RYR2: variants seen among roughly 807,000 people sequenced by gnomAD.
The protein encoded by RYR2 is ryanodine receptor 2.
In RYR2, 227 loss-of-function variants were observed where a neutral mutation model predicts 601.1. The observed-to-expected ratio is 0.38, with a 90% confidence interval of 0.34 to 0.42. RYR2 has a LOEUF of 0.42. RYR2 is among the 10% of genes least tolerant of loss of function. The pLI, the probability that RYR2 is intolerant of heterozygous loss-of-function variation, is 1.00. For synonymous variants in RYR2, 2,223 were observed against 2,175.1 expected (o/e 1.02, Z -0.61); for missense variants, 4,646 against 6,156.5 (o/e 0.75, Z 8.21).
intron 12 of RYR2, among the ~76,000 whole-genome samples, chr1:237,432,097 G>GCC (rs765226578): frequency 1.4e-5 from 2 of 142,872 alleles, no homozygotes; most frequent in African/African-American, 5.8e-5. Context: ...TTAGCAAATG[G>GCC]TCTTTTTTTT....
At chr1:237,282,785 G>C (rs1441543523) in intron 2 of RYR2, among the ~76,000 whole-genome samples, 2 of 152,208 alleles carry the variant, frequency 1.3e-5, no homozygotes, top group African/African-American at 4.8e-5. Flanking sequence ...TAGCTCAATA[G>C]AGTGTGATAT....
At chr1:237,237,171 C>G (rs1685632588) in intron 1 of RYR2, among the ~76,000 whole-genome samples, 1 of 152,126 alleles carries the variant, frequency 6.6e-6, no homozygotes, top group Non-Finnish European at 1.5e-5. Context: ...AACTGTGAGT[C>G]AATTAAACCT....
intron 3 of RYR2, among the ~76,000 whole-genome samples, chr1:237,353,274 C>T (rs149092419): frequency 1.7e-3 from 264 of 151,946 alleles, no homozygotes; most frequent in African/African-American, 6.1e-3. Flanking sequence ...TATGAATGCA[C>T]GAGATGGGTG....
chr1:237,563,500 A>T (rs942003418), intron 27 of RYR2, among the ~76,000 whole-genome samples: 5 of 151,012 alleles, frequency 3.3e-5, no homozygotes, highest in African/African-American at 7.3e-5. Flanking sequence ...AGTCCCTTGC[A>T]TGATAGTATC....
chr1:237,407,480 T>C (rs1322706320), intron 10 of RYR2, among the ~76,000 whole-genome samples: 2 of 152,192 alleles, frequency 1.3e-5, no homozygotes, highest in African/African-American at 4.8e-5. Flanking sequence ...CATTGTAACA[T>C]ATGAATAGTG....
intron 47 of RYR2, among the ~76,000 whole-genome samples, chr1:237,642,569 G>A (rs1264626584): frequency 1.3e-5 from 2 of 152,142 alleles, no homozygotes; most frequent in African/African-American, 2.4e-5. Flanking sequence ...TGAAGGAATA[G>A]GGGACCAACC....
chr1:237,660,910 T>G lies in RYR2; in HGVS notation c.8399T>G (p.Leu2800Arg), dbSNP rs1217695369. 1 of 1,505,288 alleles carries G rather than the reference T, an allele frequency of 6.6e-7. No homozygotes were observed. The highest frequency in any genetic ancestry group is 8.9e-7 in the Non-Finnish European group (1 of 1,123,074). 93.2% of individuals were successfully genotyped at this position (1,505,288 alleles called of 1,614,324 possible). A position where few individuals can be genotyped will look rare whatever the true frequency, so the allele number is the denominator to read the frequency against. ...ERTREGDSMA[L>R]YNRTRRISQT... is the part of the protein sequence containing the mutation. Reference sequence around the variant, plus strand: ...ACTCGGGAGGGAGACAGCATGGCCCTTTACAACCGGACTCGTCGTATTTCT... The same window carrying G: ...ACTCGGGAGGGAGACAGCATGGCCCGTTACAACCGGACTCGTCGTATTTCT... The change falls in exon 56 of 105, where the codon CTT becomes CGT. Residue 2800 changes from leucine to arginine, a missense_variant. This residue lies in a region of RYR2 where 1,497 missense variants were observed against 1,842.6 expected (regional missense o/e 0.81). Transcript: ENST00000366574.
chr1:237,149,513 A>C (rs906170620), intron 1 of RYR2, among the ~76,000 whole-genome samples: 2 of 152,192 alleles, frequency 1.3e-5, no homozygotes, highest in Non-Finnish European at 2.9e-5. Context: ...ATAATGGCTC[A>C]TTTAATAGGA....
intron 1 of RYR2, among the ~76,000 whole-genome samples, chr1:237,216,097 A>G (rs1003208532): frequency 6.6e-6 from 1 of 152,198 alleles, no homozygotes; most frequent in Non-Finnish European, 1.5e-5. Flanking sequence ...CATCCTCTAT[A>G]TAACTCCTGT....
rs1003934367 is a variant in RYR2 at position 237,567,699 on chromosome 1, C to CT, written c.3423+934dup. On this transcript the variant is annotated intron_variant, in intron 28 of 104. Transcript: ENST00000366574. ...AAATCATAGATTTTTTTAAAGTCTT[C>CT]TTTTTTTTTTATTTTTTAAGTGAAT... 2.2e-3 allele frequency among the ~76,000 whole-genome samples: 325 copies of CT among 147,896 alleles called. 3 individuals are homozygous for CT. The highest frequency in any genetic ancestry group is 6.9e-3 in the African/African-American group (278 of 40,432).
chr1:237,270,579 A>G lies in RYR2; in HGVS notation c.131A>G (p.Asn44Ser). The G allele has an allele frequency of 6.3e-7, 1 of 1,596,384 alleles. No homozygotes were observed. The highest frequency in any genetic ancestry group is 8.5e-7 in the Non-Finnish European group (1 of 1,171,050). Residue 44 changes from asparagine to serine, a missense_variant, in exon 2 of 105, where the codon AAC becomes AGC. Physicochemically the swap from Asn to Ser is conservative, Grantham distance 46. Coordinates refer to ENST00000366574, the MANE Select transcript of RYR2 (RefSeq NM_001035.3). ...TGCTTGGCAGCAGAAGGATTTGGCA[A>G]CAGACTTTGTTTCTTGGAGTCCACT... The part of the protein sequence containing the change: ...KLCLAAEGFG[N>S]RLCFLESTSN...
At chr1:237,414,085 T>C (rs558075052) in intron 10 of RYR2, among the ~76,000 whole-genome samples, 1 of 152,188 alleles carries the variant, frequency 6.6e-6, no homozygotes, top group African/African-American at 2.4e-5. Flanking sequence ...TCTTTAAAAA[T>C]CTGATAACAT....
In RYR2 at chr1:237,610,986, C is replaced by G. The variant is rs760913897; in HGVS notation, c.4908C>G (p.Asn1636Lys). Residue 1636 changes from asparagine (N) to lysine (K), a missense_variant and splice_region_variant, in exon 36 of 105, where the codon AAC becomes AAG. Around this residue, in one of 17 missense-constraint regions of RYR2, gnomAD observed 1,807 missense variants for 2,088.1 expected, o/e 0.87. Transcript: ENST00000366574. The surrounding 1 kb of genome is among the most constrained non-coding windows in gnomAD (Gnocchi z 4.9). The part of the protein sequence containing the change: ...QFMSLHIPEE[N>K]RSVDILELTE... ...TGTCTCTTCATATCCCTGAGGAAAA[C>G]AGGTCAGCCCCAGTGAATCCCTGAC... The G allele has an allele frequency of 1.2e-6, 2 of 1,610,270 alleles. No individual in the cohort carries two copies. Among genetic ancestry groups the G allele is most frequent in the Non-Finnish European group, 8.5e-7 (1 of 1,178,112 alleles).
chr1:237,249,775 T>A (rs1378416420), intron 1 of RYR2, among the ~76,000 whole-genome samples: 2 of 152,204 alleles, frequency 1.3e-5, no homozygotes, highest in African/African-American at 4.8e-5. Context: ...TGGTTTTATT[T>A]TTAAATTTGC....
chr1:237,283,705 T>C (rs1213142466), intron 2 of RYR2, among the ~76,000 whole-genome samples: 1 of 152,200 alleles, frequency 6.6e-6, no homozygotes, highest in Non-Finnish European at 1.5e-5. Context: ...CTGGAGTAAA[T>C]ATTCATATTT....
intron 2 of RYR2, among the ~76,000 whole-genome samples, chr1:237,327,629 T>C (rs1350018011): frequency 6.6e-6 from 1 of 152,218 alleles, no homozygotes; most frequent in Non-Finnish European, 1.5e-5. Context: ...TTGTGCGAAG[T>C]AGAATCCATG....
At chr1:237,141,372 AT>A (rs1348099766) in intron 1 of RYR2, among the ~76,000 whole-genome samples, 7 of 152,040 alleles carry the variant, frequency 4.6e-5, no homozygotes, top group African/African-American at 1.5e-4. Flanking sequence ...TGATGGTTGA[AT>A]TTTTTCAAAT....
chr1:237,570,217 C>A (rs868533581), intron 29 of RYR2, among the ~76,000 whole-genome samples: 383 of 129,948 alleles, frequency 2.9e-3, no homozygotes, highest in Middle Eastern at 8.5e-3. Context: ...GACTGCATCT[C>A]AAAAAAAAAA....
At chr1:237,356,856 A>G (rs4336842) in intron 4 of RYR2, among the ~76,000 whole-genome samples, 36,687 of 152,042 alleles carry the variant, frequency 0.24, 4,586 homozygotes, top group East Asian at 0.37. Context: ...GCTTTTCATT[A>G]TTGAAATGTT....
Sources: gnomAD v4.1 joint callset for allele counts (sites outside exome capture counted in the v4.1 genomes callset) on GRCh38, gnomAD v4.1.1 for gene constraint, gnomAD v4.1.1 regional missense constraint, Gnocchi (gnomAD v3.1) non-coding constraint, MANE v1.5 for transcripts, NCBI Gene and HGNC (gene_info 2026-07-23, HGNC 2026-07-21) for gene names.